Variants in PCDH11X observed in about 807,000 individuals in gnomAD.
PCDH11X encodes protocadherin-11 X-linked.
In PCDH11X, 18 loss-of-function variants were observed where a neutral mutation model predicts 53.3. The ratio of observed to expected loss-of-function variants is 0.34; its 90% CI spans 0.23 to 0.50. The LOEUF (loss-of-function observed/expected upper bound fraction) is 0.50. Among genes scored for constraint, PCDH11X ranks in the 20% least tolerant of loss-of-function variants. PCDH11X has a pLI of 0.98. For synonymous variants in PCDH11X, 279 were observed against 393.3 expected (o/e 0.71, Z 3.44); for missense variants, 570 against 1,032.4 (o/e 0.55, Z 6.14).
At chrX:92,462,667 T>C (rs998910961) in intron 9 of PCDH11X, among the ~76,000 whole-genome samples, 2 of 109,535 alleles carry the variant, frequency 1.8e-5, no homozygotes, top group Non-Finnish European at 3.8e-5. Context: ...AACTGCTTCA[T>C]GTACCTCCCA....
At chrX:91,781,580 G>C (rs1935145489) in intron 1 of PCDH11X, among the ~76,000 whole-genome samples, 1 of 112,408 alleles carries the variant, frequency 8.9e-6, no homozygotes, top group African/African-American at 3.2e-5. Flanking sequence ...TTTTAATCTT[G>C]TTTGAAACAA....
Position 91,863,937 on chromosome X carries a change from G to A in PCDH11X, c.541-12844G>A, listed in dbSNP as rs1230734288. 5.4e-5 allele frequency among the ~76,000 whole-genome samples: 6 copies of A among 111,606 alleles called. No homozygotes were observed. The East Asian group carries it at 1.1e-3, about 21-fold the overall frequency. Reference sequence around the variant, plus strand: ...CCAAGCTTTTTAACTTTTTGTTGCCGTACTGACTATGTCTTGAAAAGTGGT... The same window carrying A: ...CCAAGCTTTTTAACTTTTTGTTGCCATACTGACTATGTCTTGAAAAGTGGT... On this transcript the variant is annotated intron_variant, in intron 5 of 10. Transcript: ENST00000682573.
At chrX:92,150,427 C>T (rs2065413455) in intron 6 of PCDH11X, among the ~76,000 whole-genome samples, 1 of 108,282 alleles carries the variant, frequency 9.2e-6, no homozygotes, top group Non-Finnish European at 1.9e-5. Flanking sequence ...TTCCCATTTC[C>T]TCATTGAGTT....
chrX:92,156,323 T>A (rs1238572955), intron 6 of PCDH11X, among the ~76,000 whole-genome samples: 6 of 109,723 alleles, frequency 5.5e-5, no homozygotes, highest in African/African-American at 1.0e-4. Flanking sequence ...ATCTTTGCAC[T>A]GACTGATTCT....
chrX:91,962,343 G>A, intron 6 of PCDH11X, among the ~76,000 whole-genome samples: 1 of 112,643 alleles, frequency 8.9e-6, no homozygotes, highest in Non-Finnish European at 1.9e-5. Flanking sequence ...AGACAAAGGG[G>A]CTACAGGCCC....
At chrX:92,554,438 G>A (rs1318983916) in intron 10 of PCDH11X, among the ~76,000 whole-genome samples, 2 of 109,461 alleles carry the variant, frequency 1.8e-5, no homozygotes, top group African/African-American at 6.6e-5. Flanking sequence ...TACAGGGTAG[G>A]TGTATTTATT....
intron 6 of PCDH11X, among the ~76,000 whole-genome samples, chrX:92,173,770 G>A (rs1383089375): frequency 4.6e-5 from 5 of 107,766 alleles, no homozygotes; most frequent in African/African-American, 1.4e-4. Flanking sequence ...TATTGCTTGA[G>A]CCCAGGAGTT....
intron 6 of PCDH11X, among the ~76,000 whole-genome samples, chrX:92,050,715 C>T (rs922488049): frequency 9.1e-6 from 1 of 110,071 alleles, no homozygotes; most frequent in Non-Finnish European, 1.9e-5. Flanking sequence ...CCTTTATATT[C>T]CGAGTACCTA....
At chrX:92,106,209 A>T (rs1422395599) in intron 6 of PCDH11X, among the ~76,000 whole-genome samples, 1 of 104,931 alleles carries the variant, frequency 9.5e-6, no homozygotes, top group African/African-American at 3.7e-5. Context: ...TTCTTGTTGG[A>T]ATCACACTAA....
At chrX:92,581,432 A>G (rs1923688338) in intron 10 of PCDH11X, among the ~76,000 whole-genome samples, 1 of 111,281 alleles carries the variant, frequency 9.0e-6, no homozygotes, top group Admixed American at 9.5e-5. Context: ...AATAAGTCTC[A>G]CGAGATCTGA....
At chrX:92,517,140 A>G (rs751606824) in intron 10 of PCDH11X, among the ~76,000 whole-genome samples, 62 of 111,627 alleles carry the variant, frequency 5.6e-4, no homozygotes, top group Non-Finnish European at 1.0e-3. Context: ...AATAGATAAC[A>G]ATAATCTGAA....
At position 92,614,829 on chromosome X, in the gene PCDH11X, C is replaced by T. The variant is rs1016370657; in HGVS notation, c.3368-3435C>T. On this transcript the variant is annotated intron_variant, in intron 10 of 10. Coordinates refer to ENST00000682573, the MANE Select transcript of PCDH11X (RefSeq NM_032968.5). ...GGAGGCCTAAATTCCTAATCCAGGT[C>T]GGAGAGCGAGTGCTCCACATGCCTA... Among the ~76,000 whole-genome samples, 12 of 111,799 alleles carry T rather than the reference C, an allele frequency of 1.1e-4. No individual in the cohort carries two copies. The South Asian group carries it at 3.4e-3, about 31-fold the overall frequency.
chrX:91,806,047 A>G (rs966946953), intron 1 of PCDH11X, among the ~76,000 whole-genome samples: 1 of 112,270 alleles, frequency 8.9e-6, no homozygotes, highest in Non-Finnish European at 1.9e-5. Context: ...GTGGGAGAAG[A>G]AAGTTTGCTA....
chrX:92,459,659 C>T (rs1325960185), intron 9 of PCDH11X: 6 of 910,540 alleles, frequency 6.6e-6, no homozygotes, highest in Middle Eastern at 3.9e-4. Context: ...CTCTCCTCCC[C>T]GGACAGCATG....
At position 92,272,700 on chromosome X, in the gene PCDH11X, T is replaced by G. The variant is rs183804383; in HGVS notation, c.3144+9557T>G. On this transcript the variant is annotated intron_variant, in intron 8 of 10. Coordinates refer to ENST00000682573, the MANE Select transcript of PCDH11X (RefSeq NM_032968.5). ...AACCACTTGAAACCTAGTAAATATT[T>G]AATGAATATGTGTTGTCATTTATTT... is the stretch of plus-strand genomic sequence containing the variant. Among the ~76,000 whole-genome samples the G allele has an allele frequency of 4.4e-5, 5 of 112,445 alleles. No homozygotes were observed. The East Asian group carries it at 1.4e-3, about 31-fold the overall frequency.
intron 10 of PCDH11X, among the ~76,000 whole-genome samples, chrX:92,512,396 T>C (rs1311390124): frequency 8.9e-6 from 1 of 111,752 alleles, no homozygotes; most frequent in Non-Finnish European, 1.9e-5. Flanking sequence ...TTTGGGGACA[T>C]AATATAATGA....
At chrX:92,288,804 A>G (rs2068435576) in intron 8 of PCDH11X, among the ~76,000 whole-genome samples, 1 of 109,222 alleles carries the variant, frequency 9.2e-6, no homozygotes, top group Non-Finnish European at 1.9e-5. Flanking sequence ...CATCCCAGTA[A>G]ATAATTTTGT....
At chrX:92,394,981 A>AT (rs1285946171) in intron 9 of PCDH11X, among the ~76,000 whole-genome samples, 3 of 111,470 alleles carry the variant, frequency 2.7e-5, no homozygotes, top group Admixed American at 9.6e-5. Context: ...GATTTCTGTG[A>AT]TTTTTTAGTT....
chrX:91,930,041 A>T (rs1203205889), intron 6 of PCDH11X, among the ~76,000 whole-genome samples: 1 of 109,929 alleles, frequency 9.1e-6, no homozygotes, highest in Non-Finnish European at 1.9e-5. Flanking sequence ...AATTAGTGTT[A>T]GCATATATAC....
Sources: gnomAD v4.1 joint callset for allele counts (sites outside exome capture counted in the v4.1 genomes callset) on GRCh38, gnomAD v4.1.1 for gene constraint, MANE v1.5 for transcripts, NCBI Gene and HGNC (gene_info 2026-07-23, HGNC 2026-07-21) for gene names.